The following DDX50 variants were observed in gnomAD, a reference collection of about 807,000 sequenced individuals.
The protein encoded by DDX50 is ATP-dependent RNA helicase DDX50.
Under a neutral mutation model 94.8 loss-of-function variants are expected in DDX50, and 56 were observed. The observed-to-expected ratio is 0.59, with a 90% confidence interval of 0.48 to 0.74. DDX50 has a LOEUF of 0.74. DDX50 is among the 30% of genes least tolerant of loss of function. DDX50 has a pLI of 0.00. For synonymous variants in DDX50, 264 were observed against 295.4 expected (o/e 0.89, Z 1.09); for missense variants, 713 against 881.2 (o/e 0.81, Z 2.42).
chr10:68,940,594 T>C (rs1842532989), intron 12 of DDX50, among the ~76,000 whole-genome samples: 1 of 151,590 alleles, frequency 6.6e-6, no homozygotes, highest in Admixed American at 6.6e-5. Context: ...TTATTATTAT[T>C]TTTGTAGCAA....
rs1422952400 is a variant in DDX50, at chr10:68,941,138, C to T, written c.1834C>T (p.Leu612=). ...TGCTTGGAAAGAACTTAACAGAAAGCTGAGTAGTAATGCAGTGTCTCAGAT... is the reference window on the plus strand; with the variant it reads ...TGCTTGGAAAGAACTTAACAGAAAGTTGAGTAGTAATGCAGTGTCTCAGAT... ...SCAWKELNRK[L]SSNAVSQITR... The change falls in exon 13 of 15, where the codon CTG becomes TTG. Residue 612 remains leucine, a synonymous_variant. Transcript: ENST00000373585. The T allele has an allele frequency of 6.2e-7, 1 of 1,613,272 alleles. No homozygotes were observed. The highest frequency in any genetic ancestry group is 1.1e-5 in the South Asian group (1 of 90,966).
chr10:68,928,362 C>CT (rs1842145088), intron 8 of DDX50, among the ~76,000 whole-genome samples: 1 of 151,912 alleles, frequency 6.6e-6, no homozygotes, highest in South Asian at 2.1e-4. Context: ...AAATTACTTT[C>CT]TTTTTTACCA....
At chr10:68,916,715 C>T (rs1020687907) in intron 7 of DDX50, among the ~76,000 whole-genome samples, 3 of 152,130 alleles carry the variant, frequency 2.0e-5, no homozygotes, top group African/African-American at 7.2e-5. Flanking sequence ...TGGAATTTCA[C>T]TCTTGTTGCC....
chr10:68,919,601 T>C (rs1316678947), intron 7 of DDX50, among the ~76,000 whole-genome samples: 9 of 152,214 alleles, frequency 5.9e-5, no homozygotes, highest in African/African-American at 2.2e-4. Flanking sequence ...GTAGTTGGTT[T>C]CTTTTAATTG....
chr10:68,944,421 T>C (rs944305234), intron 14 of DDX50, among the ~76,000 whole-genome samples: 11 of 152,222 alleles, frequency 7.2e-5, no homozygotes, highest in Admixed American at 2.0e-4. Context: ...TACATACTTA[T>C]ATACCTACTT....
intron 12 of DDX50, among the ~76,000 whole-genome samples, chr10:68,940,207 C>T (rs950420528): frequency 9.9e-5 from 15 of 151,634 alleles, no homozygotes; most frequent in African/African-American, 3.1e-4. Context: ...TGGGCAACCC[C>T]GTCTCTACTA....
At chr10:68,919,732 C>T (rs1030221252) in intron 7 of DDX50, 100 bp from the exon 8 acceptor site, 13 of 1,435,624 alleles carry the variant, frequency 9.1e-6, no homozygotes, top group Non-Finnish European at 1.2e-5. Context: ...TACAGTCTCC[C>T]AGGAAGGCTA....
chr10:68,903,398 T>C (rs1841346303), intron 1 of DDX50, among the ~76,000 whole-genome samples: 1 of 151,400 alleles, frequency 6.6e-6, no homozygotes, highest in African/African-American at 2.4e-5. Flanking sequence ...CCGGGCATGG[T>C]GACTCACTCC....
rs1299673214 is a variant in DDX50 at position 68,923,397 on chromosome 10, G to A, written c.1239+3416G>A. 8.7e-5 allele frequency among the ~76,000 whole-genome samples: 13 copies of A among 150,060 alleles called. No homozygotes were observed. In the East Asian group the frequency reaches 2.0e-3, roughly 23 times the overall value. On this transcript the variant is annotated intron_variant, in intron 8 of 14. Coordinates refer to ENST00000373585, the MANE Select transcript of DDX50 (RefSeq NM_024045.2). ...GGCTAAGTTTCATTTTTGTAGAGAT[G>A]GGATTTCTCTAAGTTGCCCAGGCTG...
At chr10:68,912,327 C>CGAGG (rs1841649574) in intron 4 of DDX50, among the ~76,000 whole-genome samples, 1 of 152,034 alleles carries the variant, frequency 6.6e-6, no homozygotes, top group Non-Finnish European at 1.5e-5. Context: ...TTCTCTCTTC[C>CGAGG]TCTCAGTCTC....
At chr10:68,931,397 ATATATATATATATG>A (rs1842261130) in intron 8 of DDX50, among the ~76,000 whole-genome samples, 1 of 52,382 alleles carries the variant, frequency 1.9e-5, no homozygotes, top group Non-Finnish European at 3.9e-5. Flanking sequence ...AAAAAAATAT[ATATATATATATATG>A]TATATATATA....
At chr10:68,915,891 CAG>C (rs1841774524) in intron 7 of DDX50, among the ~76,000 whole-genome samples, 1 of 152,042 alleles carries the variant, frequency 6.6e-6, no homozygotes, top group Non-Finnish European at 1.5e-5. Context: ...TAAAAACAAT[CAG>C]TGATAAAAAC....
chr10:68,910,986 T>C (rs1479693220), intron 3 of DDX50, 82 bp from the exon 4 acceptor site: 7 of 1,126,706 alleles, frequency 6.2e-6, no homozygotes, highest in Non-Finnish European at 8.4e-6. Flanking sequence ...CATAGAAGAA[T>C]TATGATTGTC....
intron 8 of DDX50, among the ~76,000 whole-genome samples, chr10:68,931,725 G>A (rs1318887662): frequency 2.6e-5 from 4 of 151,648 alleles, no homozygotes; most frequent in Admixed American, 6.6e-5. Flanking sequence ...GTGCCTGGTC[G>A]TATAATTTAA....
chr10:68,901,445 G>A lies in DDX50; in HGVS notation c.61G>A (p.Glu21Lys), dbSNP rs761193442. The A allele has an allele frequency of 4.4e-6, 7 of 1,575,154 alleles. No individual in the cohort carries two copies. Among genetic ancestry groups the A allele is most frequent in the East Asian group, 2.4e-5 (1 of 42,282 alleles). Residue 21 changes from glutamate (E) to lysine (K), a missense_variant, in exon 1 of 15, where the codon GAG (glutamate) becomes AAG (lysine). Coordinates refer to ENST00000373585, the MANE Select transcript of DDX50 (RefSeq NM_024045.2). ...GCTGGAAGCACCCTTGGAGGAGTCC[G>A]AGAGCCAGAAGAAGGAGAGGCAAAA... ...MELEAPLEES[E>K]SQKKERQKSD...
rs1293472848 is a variant in DDX50 at position 68,906,819 on chromosome 10, A to T, written c.196A>T (p.Met66Leu). ...TGCTCCCAAGGCCAAAAAATCTAAA[A>T]TGAAAGAGAAGCTAAATGGAGACAC... is the stretch of plus-strand genomic sequence containing the variant. The part of the protein sequence containing the change: ...LDAPKAKKSK[M>L]KEKLNGDTEE... The change falls in exon 2 of 15, where the codon ATG (methionine) becomes TTG (leucine). Residue 66 changes from methionine to leucine, a missense_variant. By Grantham distance (15) the Met-to-Leu change is conservative. Around this residue, in one of 2 missense-constraint regions of DDX50, gnomAD observed 285 missense variants for 278.9 expected, o/e 1.02. Coordinates refer to ENST00000373585, the MANE Select transcript of DDX50 (RefSeq NM_024045.2). 1 of 1,613,712 alleles carries T rather than the reference A, an allele frequency of 6.2e-7. No homozygotes were observed. The highest frequency in any genetic ancestry group is 8.5e-7 in the Non-Finnish European group (1 of 1,179,982).
intron 7 of DDX50, among the ~76,000 whole-genome samples, chr10:68,917,717 C>T (rs1465811761): frequency 6.6e-6 from 1 of 152,134 alleles, no homozygotes; most frequent in Admixed American, 6.5e-5. Context: ...ATTCTCCTGT[C>T]TTAGCCACCT....
chr10:68,930,114 CTTTTTT>C (rs34023657), intron 8 of DDX50, among the ~76,000 whole-genome samples: 7 of 99,774 alleles, frequency 7.0e-5, no homozygotes, highest in South Asian at 3.3e-4. Context: ...CTTTCCTTTC[CTTTTTT>C]TTTTTTTTTT....
In DDX50 at chr10:68,934,848, G is replaced by C; in HGVS notation, c.1451G>C (p.Arg484Pro). 4 of 1,613,052 alleles carry C rather than the reference G, an allele frequency of 2.5e-6. No homozygotes were observed. Among genetic ancestry groups the C allele is most frequent in the Non-Finnish European group, 3.4e-6 (4 of 1,179,554 alleles). The change falls in exon 10 of 15, where the codon CGG (arginine) becomes CCG (proline). Residue 484 changes from arginine (R) to proline (P), a missense_variant. This residue lies in a region of DDX50 where 428 missense variants were observed against 602.3 expected (regional missense o/e 0.71). Transcript: ENST00000373585. The surrounding 1 kb of genome is among the most constrained non-coding windows in gnomAD (Gnocchi z 4.0). ...TCTGGACGCACAGGTAGAGCTGGAC[G>C]GACAGGGATTTGTATATGTTTTTAT... is the stretch of plus-strand genomic sequence containing the variant. ...HRSGRTGRAG[R>P]TGICICFYQP...
Sources: gnomAD v4.1 joint callset for allele counts (sites outside exome capture counted in the v4.1 genomes callset) on GRCh38, gnomAD v4.1.1 for gene constraint, gnomAD v4.1.1 regional missense constraint, Gnocchi (gnomAD v3.1) non-coding constraint, MANE v1.5 for transcripts, NCBI Gene and HGNC (gene_info 2026-07-23, HGNC 2026-07-21) for gene names.